SH2B1: variants seen among roughly 807,000 people sequenced by gnomAD.
The protein encoded by SH2B1 is SH2B adapter protein 1.
In SH2B1, 15 loss-of-function variants were observed where a neutral mutation model predicts 62.6. The ratio of observed to expected loss-of-function variants is 0.24; its 90% CI spans 0.16 to 0.37. The LOEUF (loss-of-function observed/expected upper bound fraction) is 0.37, where lower values mean the gene tolerates loss of function less well. Ranked by LOEUF, SH2B1 falls within the 10% of genes least tolerant of loss-of-function variation. The pLI is 1.00. For missense variants in SH2B1, 925 were observed against 1,015.6 expected, an observed-to-expected ratio of 0.91 and a Z score of 1.21; for synonymous variants, 443 against 438.0, an observed-to-expected ratio of 1.01 and a Z score of -0.14.
Position 28,872,059 on chromosome 16 carries a change from G to A in SH2B1, c.1513+76G>A. ...TGACCACCTCTCCTGGGATCCCGAGGGAGCTGGCCCAGGGGAGTTGGGGAC... is the reference window on the plus strand; with the variant it reads ...TGACCACCTCTCCTGGGATCCCGAGAGAGCTGGCCCAGGGGAGTTGGGGAC... On this transcript the variant is annotated intron_variant, in intron 5 of 7. Transcript: ENST00000684370. This position sits in a 1 kb window ranked among gnomAD's most constrained non-coding sequence, Gnocchi z 5.3. 1 of 1,344,268 alleles carries A rather than the reference G, an allele frequency of 7.4e-7. No individual in the cohort carries two copies. The highest frequency in any genetic ancestry group is 1.1e-6 in the Non-Finnish European group (1 of 941,578). The allele number at this position is 1,344,268 out of a possible 1,614,324, so 83.3% of individuals were successfully genotyped here.
Position 28,853,228 on chromosome 16 carries a change from A to AATATAT in SH2B1, c.-301+6412_-301+6417dup, listed in dbSNP as rs55893199. ...ATATATATATAAAAATGTATATATA[A>AATATAT]ATATATATATATATATGCACACACA... is the stretch of plus-strand genomic sequence containing the variant. On this transcript the variant is annotated intron_variant, in intron 1 of 10. Transcript: ENST00000322610. 7.1e-3 allele frequency among the ~76,000 whole-genome samples: 885 copies of AATATAT among 124,556 alleles called. 24 individuals are homozygous for AATATAT. Among genetic ancestry groups the AATATAT allele is most frequent in the African/African-American group, 0.024 (820 of 34,360 alleles). The allele number at this position is 124,556 out of a possible 152,430, so 81.7% of individuals were successfully genotyped here. A position where few individuals can be genotyped will look rare whatever the true frequency, so the allele number is the denominator to read the frequency against.
chr16:28,866,070 C>G lies in SH2B1; in HGVS notation c.-25C>G, dbSNP rs1266626792. 1 of 1,516,160 alleles carries G rather than the reference C, an allele frequency of 6.6e-7. No individual in the cohort carries two copies. Among genetic ancestry groups the G allele is most frequent in the Non-Finnish European group, 8.8e-7 (1 of 1,139,168 alleles). The allele number at this position is 1,516,160 out of a possible 1,614,324, so 93.9% of individuals were successfully genotyped here. ...TCCCTCTTTGTGCCCCACAGGCTCCCCCTCTCCACCTCCTGGGGCCCATCA... is the reference window on the plus strand; with the variant it reads ...TCCCTCTTTGTGCCCCACAGGCTCCGCCTCTCCACCTCCTGGGGCCCATCA... On this transcript the variant is annotated 5_prime_UTR_variant, in exon 1 of 8. Transcript: ENST00000684370. The surrounding 1 kb of genome is among the most constrained non-coding windows in gnomAD (Gnocchi z 6.3).
rs755670519 is a variant in SH2B1 at position 28,873,500 on chromosome 16, G to C, written c.1951G>C (p.Asp651His). Residue 651 changes from aspartate to histidine, a missense_variant, in exon 8 of 8, where the codon GAT (aspartate) becomes CAT (histidine). Around this residue, in one of 3 missense-constraint regions of SH2B1, gnomAD observed 185 missense variants for 189.5 expected, o/e 0.98. Transcript: ENST00000684370. The surrounding 1 kb of genome is among the most constrained non-coding windows in gnomAD (Gnocchi z 4.2). ...GCCCCCTGAACCCCCTTCATGGACA[G>C]ATCCCCCACAGCCTGGGGCAGAAGA... Reference protein sequence around the residue: ...PQPPEPPSWTDPPQPGAEEAS... With the variant: ...PQPPEPPSWTHPPQPGAEEAS... 8 of 1,586,124 alleles carry C rather than the reference G, an allele frequency of 5.0e-6. 1 individual carries two copies. The South Asian group carries it at 6.8e-5, about 14-fold the overall frequency.
chr16:28,872,793 G>GA lies in SH2B1; in HGVS notation c.1897+89dup. 1 of 1,518,444 alleles carries GA rather than the reference G, an allele frequency of 6.6e-7. No individual in the cohort carries two copies. The highest frequency in any genetic ancestry group is 9.0e-7 in the Non-Finnish European group (1 of 1,108,408). The allele number at this position is 1,518,444 out of a possible 1,614,324, so 94.1% of individuals were successfully genotyped here. A position where few individuals can be genotyped will look rare whatever the true frequency, so the allele number is the denominator to read the frequency against. ...CCAGAAAGATGGGGCGGGGAGGGGGGACTATCACAAGGAGAAGCTTTGCTT... is the reference window on the plus strand; with the variant it reads ...CCAGAAAGATGGGGCGGGGAGGGGGGAACTATCACAAGGAGAAGCTTTGCTT... On this transcript the variant is annotated intron_variant, in intron 7 of 7. Coordinates refer to ENST00000684370, the MANE Select transcript of SH2B1 (RefSeq NM_001387430.1). The surrounding 1 kb of genome is among the most constrained non-coding windows in gnomAD (Gnocchi z 5.3).
intron 1 of SH2B1, among the ~76,000 whole-genome samples, chr16:28,850,862 G>GAA (rs565938904): frequency 3.9e-4 from 28 of 71,262 alleles, no homozygotes; most frequent in Middle Eastern, 0.011. Context: ...GACTCCATCT[G>GAA]AAAAAAAAAA....
rs1567458675 is a variant in SH2B1 at position 28,852,491 on chromosome 16, T to TATATTTATATATAC, written c.-301+5665_-301+5666insTATTTATATATACA. On this transcript the variant is annotated intron_variant, in intron 1 of 10. Coordinates refer to the SH2B1 transcript ENST00000322610. ...ATATACATATATATTTATATATACA[T>TATATTTATATATAC]ACATATATTTATATATATACACATA... Among the ~76,000 whole-genome samples the TATATTTATATATAC allele has an allele frequency of 1.4e-3, 32 of 22,268 alleles. 13 individuals carry two copies. Among genetic ancestry groups the TATATTTATATATAC allele is most frequent in the African/African-American group, 9.0e-3 (32 of 3,564 alleles). The allele number at this position is 22,268 out of a possible 152,430, so 14.6% of individuals were successfully genotyped here.
chr16:28,865,371 A>G lies in SH2B1; in HGVS notation c.-724A>G, dbSNP rs1220900953. 5.9e-5 allele frequency: 58 copies of G among 985,558 alleles called. No homozygotes were observed. The highest frequency in any genetic ancestry group is 7.0e-5 in the Non-Finnish European group (58 of 830,024). The allele number at this position is 985,558 out of a possible 1,614,324, so 61.1% of individuals were successfully genotyped here. A position where few individuals can be genotyped will look rare whatever the true frequency, so the allele number is the denominator to read the frequency against. On this transcript the variant is annotated 5_prime_UTR_variant, in exon 1 of 8. Transcript: ENST00000684370. ...TTTGGTCCATCATGCATCCATCCTC[A>G]TTAATGAATCGGCCCCCTCCAAAGA...
intron 1 of SH2B1, among the ~76,000 whole-genome samples, chr16:28,854,585 G>A (rs1228305187): frequency 1.3e-5 from 2 of 151,960 alleles, no homozygotes; most frequent in Non-Finnish European, 2.9e-5. Flanking sequence ...GCAAGAACCC[G>A]TCTCTACAAG....
intron 1 of SH2B1, among the ~76,000 whole-genome samples, chr16:28,852,508 A>ATATT (rs1433997429): frequency 3.4e-5 from 2 of 59,246 alleles, no homozygotes; most frequent in African/African-American, 1.7e-4. Context: ...ATTTATATAT[A>ATATT]TACACATATA....
At position 28,866,341 on chromosome 16, in the gene SH2B1, G is replaced by A. The variant is rs777630506; in HGVS notation, c.247G>A (p.Ala83Thr). The A allele has an allele frequency of 6.2e-7, 1 of 1,612,608 alleles. No homozygotes were observed. The highest frequency in any genetic ancestry group is 1.1e-5 in the South Asian group (1 of 91,064). Reference protein sequence around the residue: ...LQHFEAEVARASGSLSPPILA... With the variant: ...LQHFEAEVARTSGSLSPPILA... ...GCACTTTGAAGCCGAGGTGGCCCGG[G>A]CCTCTGGCTCCCTGTCGCCACCCAT... is the stretch of plus-strand genomic sequence containing the variant. The change falls in exon 1 of 8, where the codon GCC (alanine) becomes ACC (threonine). Residue 83 changes from alanine (A) to threonine (T), a missense_variant. Ala to Thr is a moderately conservative substitution (Grantham distance 58, BLOSUM62 0). Transcript: ENST00000684370. This position sits in a 1 kb window ranked among gnomAD's most constrained non-coding sequence, Gnocchi z 6.3.
chr16:28,868,751 C>T (rs546509149), intron 2 of SH2B1, among the ~76,000 whole-genome samples: 3 of 152,188 alleles, frequency 2.0e-5, no homozygotes, highest in Admixed American at 6.5e-5. Context: ...CCATCGTACC[C>T]GGCCTCGCCT....
At position 28,866,771 on chromosome 16, in the gene SH2B1, A is replaced by G; in HGVS notation, c.677A>G (p.His226Arg). 1.3e-6 allele frequency: 2 copies of G among 1,579,506 alleles called. No individual in the cohort carries two copies. The highest frequency in any genetic ancestry group is 1.7e-6 in the Non-Finnish European group (2 of 1,163,750). The change falls in exon 1 of 8, where the codon CAC becomes CGC. Residue 226 changes from histidine (H) to arginine (R), a missense_variant. His to Arg is a conservative substitution (Grantham distance 29, BLOSUM62 0). Transcript: ENST00000684370. The surrounding 1 kb of genome is among the most constrained non-coding windows in gnomAD (Gnocchi z 6.3). ...DGTSPGERWT[H>R]RFERLRLSRG... ...ACGTCCCCTGGGGAAAGATGGACTC[A>G]CCGTTTTGAGAGGCTGAGACTCAGT...
Position 28,873,313 on chromosome 16 carries a change from C to G in SH2B1, c.1898-134C>G, listed in dbSNP as rs1479496473. 6.3e-7 allele frequency: 1 copy of G among 1,585,200 alleles called. No homozygotes were observed. Among genetic ancestry groups the G allele is most frequent in the Non-Finnish European group, 8.6e-7 (1 of 1,160,492 alleles). On this transcript the variant is annotated intron_variant, in intron 7 of 7. Coordinates refer to ENST00000684370, the MANE Select transcript of SH2B1 (RefSeq NM_001387430.1). The surrounding 1 kb of genome is among the most constrained non-coding windows in gnomAD (Gnocchi z 4.2). ...TCACCACCGCCCATGATCCATCTTCCATGGATGGGGGGTTGCTCAGGAGAT... is the reference window on the plus strand; with the variant it reads ...TCACCACCGCCCATGATCCATCTTCGATGGATGGGGGGTTGCTCAGGAGAT...
intron 1 of SH2B1, among the ~76,000 whole-genome samples, chr16:28,855,963 G>A (rs1033541199): frequency 2.0e-5 from 3 of 148,886 alleles, no homozygotes; most frequent in Admixed American, 6.7e-5. Flanking sequence ...GAGCCACCGC[G>A]CCCAGCCTTT....
At chr16:28,857,933 G>GT (rs1314267545) in intron 1 of SH2B1, among the ~76,000 whole-genome samples, 11 of 151,946 alleles carry the variant, frequency 7.2e-5, no homozygotes, top group African/African-American at 1.2e-4. Context: ...TAGAGAGGGG[G>GT]TTTCACTGTG....
upstream of SH2B1, chr16:28,863,659 C>T (rs1374239858): frequency 6.5e-7 from 1 of 1,532,270 alleles, no homozygotes; most frequent in Non-Finnish European, 8.7e-7. Flanking sequence ...CGTCTGTGGT[C>T]GCTTTTAGGT....
At chr16:28,857,986 A>G (rs749544532) in intron 1 of SH2B1, among the ~76,000 whole-genome samples, 1 of 151,676 alleles carries the variant, frequency 6.6e-6, no homozygotes, top group Admixed American at 6.6e-5. Flanking sequence ...TGATCCGCCC[A>G]CCTCAGCCTC....
Position 28,872,341 on chromosome 16 carries a change from C to G in SH2B1, c.1665C>G (p.Arg555=). The stretch of plus-strand genomic sequence containing the variant: ...GCTCCCACGGTGTCTTCCTGGTGCG[C>G]CAGAGTGAGACAAGGCGGGGTGAAT... ...GTGSHGVFLV[R]QSETRRGEYV... The change falls in exon 6 of 8, where the codon CGC becomes CGG. Residue 555 remains arginine, a synonymous_variant. Transcript: ENST00000684370. This position sits in a 1 kb window ranked among gnomAD's most constrained non-coding sequence, Gnocchi z 5.3. The G allele has an allele frequency of 6.2e-7, 1 of 1,613,774 alleles. No homozygotes were observed. The highest frequency in any genetic ancestry group is 1.1e-5 in the South Asian group (1 of 91,060).
intron 1 of SH2B1, among the ~76,000 whole-genome samples, chr16:28,856,955 C>G (rs1252436381): frequency 6.6e-6 from 1 of 152,018 alleles, no homozygotes. Context: ...CAACTGGAAG[C>G]ACTTGGTGAA....
Sources: allele counts gnomAD v4.1 joint callset (sites outside exome capture counted in the v4.1 genomes callset), GRCh38; gene constraint gnomAD v4.1.1; regional missense constraint gnomAD v4.1.1; non-coding constraint Gnocchi (gnomAD v3.1); transcripts MANE v1.5; gene names NCBI Gene and HGNC (gene_info 2026-07-23, HGNC 2026-07-21).